Variants in LSP1 observed in about 807,000 individuals in gnomAD.
The protein encoded by LSP1 is lymphocyte specific protein 1, also known as lymphocyte-specific protein 1.
A neutral mutation model predicts 49.3 loss-of-function variants in LSP1; 32 were observed. That is an observed-to-expected ratio of 0.65 (90% CI 0.49 to 0.87). The LOEUF is 0.87. Ranked by LOEUF, LSP1 falls within the 40% of genes least tolerant of loss-of-function variation. LSP1 has a pLI of 0.00. For synonymous variants in LSP1, 179 were observed against 178.8 expected, an observed-to-expected ratio of 1.00 and a Z score of -0.01; for missense variants, 428 against 442.6, an observed-to-expected ratio of 0.97 and a Z score of 0.30.
At chr11:1,864,996 C>T (rs548761171) in intron 1 of LSP1, among the ~76,000 whole-genome samples, 7 of 151,814 alleles carry the variant, frequency 4.6e-5, no homozygotes, top group South Asian at 4.2e-4. Flanking sequence ...AGCGAGAGAC[C>T]GAGGGCCAGG....
intron 8 of LSP1, 30 bp from the exon 9 acceptor site, chr11:1,887,207 C>T (rs772070184): frequency 6.3e-5 from 91 of 1,440,826 alleles, no homozygotes; most frequent in Non-Finnish European, 8.5e-5. Context: ...AGGGGTCTGC[C>T]CTTGTGACAT....
At chr11:1,865,927 C>T (rs61868775) in intron 1 of LSP1, among the ~76,000 whole-genome samples, 31,949 of 151,800 alleles carry the variant, frequency 0.21, 3,593 homozygotes, top group South Asian at 0.4. Flanking sequence ...GGGAAGGTGC[C>T]CGGGCCTTGT....
At chr11:1,866,305 C>T (rs1180693912) in intron 1 of LSP1, among the ~76,000 whole-genome samples, 1 of 152,176 alleles carries the variant, frequency 6.6e-6, no homozygotes, top group African/African-American at 2.4e-5. Context: ...TGGCATCGGT[C>T]GGCTTGCCAC....
chr11:1,881,580 G>T lies in LSP1; in HGVS notation c.340G>T (p.Gly114Trp), dbSNP rs1848545126. ...GCCCCCCCAGTGCAGGAGTCCTGAG[G>T]GGGAGCAAGAGGACAGGTGAGTGAG... is the stretch of plus-strand genomic sequence containing the variant. Reference protein sequence around the residue: ...GEPPQCRSPEGEQEDRPGLHA... With the variant: ...GEPPQCRSPEWEQEDRPGLHA... Residue 114 changes from glycine to tryptophan, a missense_variant, in exon 3 of 11, where the codon GGG (glycine) becomes TGG (tryptophan). Transcript: ENST00000311604. The T allele has an allele frequency of 1.3e-6, 2 of 1,506,896 alleles. No individual in the cohort carries two copies. The highest frequency in any genetic ancestry group is 2.2e-5 in the Admixed American group (1 of 45,996). 93.3% of individuals were successfully genotyped at this position (1,506,896 alleles called of 1,614,324 possible). A position where few individuals can be genotyped will look rare whatever the true frequency, so the allele number is the denominator to read the frequency against.
chr11:1,883,988 C>G lies in LSP1; in HGVS notation c.555C>G (p.Ile185Met), dbSNP rs576282068. The G allele has an allele frequency of 5.0e-6, 8 of 1,612,350 alleles. No homozygotes were observed. In the African/African-American group the frequency reaches 1.1e-4, roughly 22 times the overall value. ...TPSPLVLEGTIEQSSPPLSPT... is the reference protein window; with the variant it reads ...TPSPLVLEGTMEQSSPPLSPT... ...GCCCCTTGGTCTTGGAGGGGACCAT[C>G]GAACAGAGCTCGCCTCCCCTGAGCC... The change falls in exon 5 of 11, where the codon ATC becomes ATG. Residue 185 changes from isoleucine to methionine, a missense_variant. Transcript: ENST00000311604.
intron 10 of LSP1, chr11:1,889,622 T>C (rs1589835553): frequency 1.1e-5 from 7 of 612,320 alleles, no homozygotes; most frequent in Non-Finnish European, 1.8e-5. Flanking sequence ...GAGGGCCTGA[T>C]GGTGGGGTAG....
chr11:1,876,564 G>C (rs368500997), intron 1 of LSP1: 2 of 985,506 alleles, frequency 2.0e-6, no homozygotes, highest in African/African-American at 3.5e-5. Context: ...GGCAGCCACA[G>C]GAGCTGCCTG....
At chr11:1,887,049 G>C (rs919843820) in intron 8 of LSP1, among the ~76,000 whole-genome samples, 183 bp downstream of exon 8, 1 of 152,228 alleles carries the variant, frequency 6.6e-6, no homozygotes, top group South Asian at 2.1e-4. Context: ...TGTGTTGTCC[G>C]AGTGGAGGTA....
At chr11:1,866,241 C>T (rs1235071984) in intron 1 of LSP1, among the ~76,000 whole-genome samples, 1 of 152,206 alleles carries the variant, frequency 6.6e-6, no homozygotes, top group Non-Finnish European at 1.5e-5. Flanking sequence ...GCTCTGACTT[C>T]CTTTGATGGC....
At chr11:1,890,100 C>T (rs772482041) in intron 10 of LSP1, 29 of 716,442 alleles carry the variant, frequency 4.0e-5, no homozygotes, top group Non-Finnish European at 6.5e-5. Flanking sequence ...ACTGGGGGGC[C>T]GGGTAGGTTC....
At chr11:1,890,139 A>G (rs765023709) in intron 10 of LSP1, 1 of 717,092 alleles carries the variant, frequency 1.4e-6, no homozygotes, top group South Asian at 1.5e-5. Context: ...CTGGGGCCCC[A>G]TGGCCCTGAA....
At chr11:1,889,388 C>T in intron 10 of LSP1, 1 of 700,336 alleles carries the variant, frequency 1.4e-6, no homozygotes. Flanking sequence ...CATCCCACAT[C>T]CTGGAGGTCC....
chr11:1,866,511 G>A (rs1847793798), intron 1 of LSP1: 8 of 1,511,602 alleles, frequency 5.3e-6, no homozygotes, highest in African/African-American at 4.2e-5. Flanking sequence ...CAGGGTCTCC[G>A]GCTGTCACCT....
At chr11:1,864,357 T>A in intron 1 of LSP1, 1 of 547,198 alleles carries the variant, frequency 1.8e-6, no homozygotes. Flanking sequence ...GAGGCGGCGA[T>A]GGGCAGAATA....
In LSP1 at chr11:1,866,664, C is replaced by T. The variant is rs184276196; in HGVS notation, c.54-13423C>T. ...TGGTCAGACCTCCCTCCCTGCCCAACGGGAATGTGTTTTCCCAGGGGACGC... is the reference window on the plus strand; with the variant it reads ...TGGTCAGACCTCCCTCCCTGCCCAATGGGAATGTGTTTTCCCAGGGGACGC... On this transcript the variant is annotated intron_variant, in intron 1 of 10. Transcript: ENST00000311604. The T allele has an allele frequency of 1.2e-4, 182 of 1,550,488 alleles. No homozygotes were observed. The African/African-American group carries it at 1.6e-3, about 14-fold the overall frequency.
At chr11:1,867,725 G>A (rs11041553) in intron 1 of LSP1, among the ~76,000 whole-genome samples, 5,159 of 152,274 alleles carry the variant, frequency 0.034, 124 homozygotes, top group South Asian at 0.1. Context: ...GAAGGGCCAT[G>A]CTAGGTGCCC....
intron 1 of LSP1, chr11:1,866,604 C>T: frequency 1.9e-6 from 3 of 1,550,076 alleles, no homozygotes; most frequent in East Asian, 2.4e-5. Flanking sequence ...CCTGGCCCCC[C>T]ATAAGCCTCC....
chr11:1,884,096 G>T lies in LSP1; in HGVS notation c.591+72G>T. 1 of 1,504,084 alleles carries T rather than the reference G, an allele frequency of 6.6e-7. No individual in the cohort carries two copies. 93.2% of individuals were successfully genotyped at this position (1,504,084 alleles called of 1,614,324 possible). On this transcript the variant is annotated intron_variant, in intron 5 of 10. Transcript: ENST00000311604. This position sits in a 1 kb window ranked among gnomAD's most constrained non-coding sequence, Gnocchi z 4.1. ...CATACCCAAAAGGCCAATCCCACAT[G>T]CCAGCCACAGGAAGACCAGGCCCAG...
chr11:1,861,905 G>A (rs1053194561), intron 1 of LSP1, among the ~76,000 whole-genome samples: 5 of 20,150 alleles, frequency 2.5e-4, no homozygotes, highest in Admixed American at 1.9e-3. Context: ...ATGGGTGAAC[G>A]GATGGATGGA....
Sources: gnomAD v4.1 joint callset for allele counts (sites outside exome capture counted in the v4.1 genomes callset) on GRCh38, gnomAD v4.1.1 for gene constraint, Gnocchi (gnomAD v3.1) non-coding constraint, MANE v1.5 for transcripts, NCBI Gene and HGNC (gene_info 2026-07-23, HGNC 2026-07-21) for gene names.